The following SUMF1 variants were observed in gnomAD, a reference collection of about 807,000 sequenced individuals.
SUMF1 encodes sulfatase modifying factor 1.
A neutral mutation model predicts 47.6 loss-of-function variants in SUMF1; 48 were observed. That is an observed-to-expected ratio of 1.01 (90% CI 0.80 to 1.28). The LOEUF (loss-of-function observed/expected upper bound fraction) is 1.28. SUMF1 is among the 50% of genes most tolerant of loss of function. The pLI, the probability that SUMF1 is intolerant of heterozygous loss-of-function variation, is 0.00. For missense variants in SUMF1, 571 were observed against 485.4 expected (o/e 1.18, Z -1.66); for synonymous variants, 230 against 192.1 (o/e 1.20, Z -1.63).
intron 8 of SUMF1, among the ~76,000 whole-genome samples, chr3:4,099,473 G>A (rs993447377): frequency 6.6e-6 from 1 of 151,982 alleles, no homozygotes; most frequent in Non-Finnish European, 1.5e-5. Flanking sequence ...ACACAATAAA[G>A]GCTATATATG....
chr3:4,190,686 A>T (rs1000632967), intron 8 of SUMF1, among the ~76,000 whole-genome samples: 1 of 152,156 alleles, frequency 6.6e-6, no homozygotes, highest in African/African-American at 2.4e-5. Context: ...GGTCACATAG[A>T]CTATCATAGA....
At chr3:4,086,336 C>T (rs917727443) in intron 8 of SUMF1, among the ~76,000 whole-genome samples, 2 of 152,010 alleles carry the variant, frequency 1.3e-5, no homozygotes, top group Admixed American at 6.6e-5. Flanking sequence ...TTATTTCAGT[C>T]CTTTGTGCCC....
In SUMF1 at chr3:4,121,485, T is replaced by C. The variant is rs80250558; in HGVS notation, c.1015-52740A>G. On this transcript the variant is annotated intron_variant and NMD_transcript_variant, in intron 8 of 12. Coordinates refer to the SUMF1 transcript ENST00000448413. ...TGATAGTTGTGTTCTTTATGATTAG[T>C]ACAACTGGTGATGTCCACTTAAGGT... Among the ~76,000 whole-genome samples, 759 of 152,040 alleles carry C rather than the reference T, an allele frequency of 5.0e-3. 9 individuals are homozygous for C. Among genetic ancestry groups the C allele is most frequent in the African/African-American group, 0.017 (693 of 41,498 alleles).
At chr3:4,175,692 C>T (rs1333833994) in intron 8 of SUMF1, among the ~76,000 whole-genome samples, 1 of 152,144 alleles carries the variant, frequency 6.6e-6, no homozygotes, top group African/African-American at 2.4e-5. Context: ...ATGACTTTGA[C>T]AGGATGACAG....
intron 8 of SUMF1, among the ~76,000 whole-genome samples, chr3:4,203,913 A>G (rs1374065554): frequency 1.3e-5 from 2 of 151,808 alleles, no homozygotes; most frequent in Non-Finnish European, 1.5e-5. Flanking sequence ...TAACTTTTTG[A>G]TATCTCTATC....
At chr3:4,089,453 T>C (rs1484028029) in intron 8 of SUMF1, among the ~76,000 whole-genome samples, 1 of 152,116 alleles carries the variant, frequency 6.6e-6, no homozygotes, top group Non-Finnish European at 1.5e-5. Context: ...GGAAAATACT[T>C]GGTATAAAAA....
chr3:4,172,467 T>C (rs1235739125), intron 8 of SUMF1, among the ~76,000 whole-genome samples: 1 of 152,182 alleles, frequency 6.6e-6, no homozygotes, highest in Non-Finnish European at 1.5e-5. Flanking sequence ...GGCATTCTTC[T>C]GAGAACTTTC....
chr3:4,443,464 A>G (rs1364136996), intron 3 of SUMF1, among the ~76,000 whole-genome samples: 2 of 151,758 alleles, frequency 1.3e-5, no homozygotes, highest in African/African-American at 4.8e-5. Context: ...AGAAGAAAAA[A>G]TTAAAATAAA....
intron 8 of SUMF1, among the ~76,000 whole-genome samples, chr3:4,131,673 T>C (rs1574910853): frequency 1.3e-5 from 2 of 152,010 alleles, no homozygotes; most frequent in South Asian, 2.1e-4. Flanking sequence ...GATTGGAAAA[T>C]TGGTGACAAA....
intron 8 of SUMF1, among the ~76,000 whole-genome samples, chr3:4,233,451 A>G (rs1479699811): frequency 6.6e-6 from 1 of 151,966 alleles, no homozygotes; most frequent in Non-Finnish European, 1.5e-5. Context: ...TTCCTATTCC[A>G]TGAGAAAGTA....
intron 9 of SUMF1, among the ~76,000 whole-genome samples, chr3:4,046,106 G>T (rs1695002003): frequency 1.3e-5 from 2 of 152,122 alleles, no homozygotes; most frequent in Non-Finnish European, 1.5e-5. Flanking sequence ...ATAAAAATAA[G>T]TTAACTGAAC....
chr3:4,215,271 C>A (rs532420075), intron 8 of SUMF1, among the ~76,000 whole-genome samples: 4 of 152,288 alleles, frequency 2.6e-5, no homozygotes, highest in African/African-American at 9.6e-5. Context: ...TAATCCATCA[C>A]ATAAACAGAA....
At chr3:4,341,765 G>A (rs1222198912) in intron 8 of SUMF1, among the ~76,000 whole-genome samples, 1 of 152,154 alleles carries the variant, frequency 6.6e-6, no homozygotes, top group Non-Finnish European at 1.5e-5. Context: ...ACACCTATAA[G>A]TGGCTTGTGG....
chr3:4,259,531 C>T (rs1697039957), intron 8 of SUMF1, among the ~76,000 whole-genome samples: 1 of 152,022 alleles, frequency 6.6e-6, no homozygotes, highest in Non-Finnish European at 1.5e-5. Context: ...GGATATAAGG[C>T]TTTTGGGGAT....
chr3:4,187,206 C>CA (rs1695217960), intron 8 of SUMF1, among the ~76,000 whole-genome samples: 1 of 151,730 alleles, frequency 6.6e-6, no homozygotes, highest in Non-Finnish European at 1.5e-5. Context: ...CCCATCTCTA[C>CA]AAAAAATAAA....
intron 8 of SUMF1, among the ~76,000 whole-genome samples, chr3:4,177,991 G>C (rs1298256321): frequency 6.6e-6 from 1 of 152,100 alleles, no homozygotes; most frequent in Non-Finnish European, 1.5e-5. Context: ...ACTAAACCAG[G>C]AAGAAGTAAA....
At position 4,198,002 on chromosome 3, in the gene SUMF1, G is replaced by A. The variant is rs1695464652; in HGVS notation, c.1015-129257C>T. Among the ~76,000 whole-genome samples, 4 of 143,626 alleles carry A rather than the reference G, an allele frequency of 2.8e-5. No individual in the cohort carries two copies. The East Asian group carries it at 6.2e-4, about 22-fold the overall frequency. 94.2% of individuals were successfully genotyped at this position (143,626 alleles called of 152,430 possible). On this transcript the variant is annotated intron_variant and NMD_transcript_variant, in intron 8 of 12. Transcript: ENST00000448413. ...TGTTCCCGAATAACAATGAGTTTAAGTTGATGGGTTTTTGTGTTTGTTTTA... is the reference window on the plus strand; with the variant it reads ...TGTTCCCGAATAACAATGAGTTTAAATTGATGGGTTTTTGTGTTTGTTTTA...
intron 7 of SUMF1, among the ~76,000 whole-genome samples, chr3:4,391,656 T>C (rs895313698): frequency 2.0e-5 from 3 of 152,118 alleles, no homozygotes; most frequent in Non-Finnish European, 4.4e-5. Context: ...CTAATTTTTG[T>C]AATTTTTGTG....
chr3:4,117,381 T>C (rs1257218035), intron 8 of SUMF1, among the ~76,000 whole-genome samples: 3 of 152,058 alleles, frequency 2.0e-5, no homozygotes, highest in Non-Finnish European at 4.4e-5. Flanking sequence ...AAATGACAAA[T>C]TATTCCTGGG....
Sources: gnomAD v4.1 joint callset for allele counts (sites outside exome capture counted in the v4.1 genomes callset) on GRCh38, gnomAD v4.1.1 for gene constraint, MANE v1.5 for transcripts, NCBI Gene and HGNC (gene_info 2026-07-23, HGNC 2026-07-21) for gene names.